DPYD: variants seen among roughly 807,000 people sequenced by gnomAD.
The protein encoded by DPYD is dihydropyrimidine dehydrogenase [NADP(+)].
A neutral mutation model predicts 116.2 loss-of-function variants in DPYD; 109 were observed. The observed-to-expected ratio is 0.94, with a 90% CI of 0.80 to 1.10. The LOEUF (loss-of-function observed/expected upper bound fraction) is 1.10. Among genes scored for constraint, DPYD ranks in the 50% least tolerant of loss-of-function variants. The probability of loss-of-function intolerance (pLI) is 0.00; values close to 1 mark genes in which losing one functional copy is unlikely to be tolerated. For synonymous variants in DPYD, 440 were observed against 432.0 expected (o/e 1.02, Z -0.23); for missense variants, 1,302 against 1,254.5 (o/e 1.04, Z -0.57).
At chr1:97,563,555 G>C (rs77571413) in intron 11 of DPYD, among the ~76,000 whole-genome samples, 7,708 of 152,216 alleles carry the variant, frequency 0.051, 282 homozygotes, top group Middle Eastern at 0.086. Context: ...GAAAACTACT[G>C]ATTTATCCAC....
rs1390488827 is a variant in DPYD, at chr1:97,862,629, T to C, written c.150+20635A>G. ...TATCTACACTGTGCACACTGTGTGA[T>C]ATGACTTGTTCAAACAGAGACCTGA... is the stretch of plus-strand genomic sequence containing the variant. On this transcript the variant is annotated intron_variant, in intron 2 of 22. Coordinates refer to ENST00000370192, the MANE Select transcript of DPYD (RefSeq NM_000110.4). 4.1e-4 allele frequency among the ~76,000 whole-genome samples: 62 copies of C among 152,092 alleles called. 1 individual carries two copies. The highest frequency in any genetic ancestry group is 1.5e-5 in the Non-Finnish European group (1 of 67,854).
chr1:97,101,469 CAAAAAAAAAAAA>C (rs59063384), intron 20 of DPYD, among the ~76,000 whole-genome samples: 1 of 91,090 alleles, frequency 1.1e-5, no homozygotes, highest in Non-Finnish European at 2.2e-5. Context: ...TTTGATCTTG[CAAAAAAAAAAAA>C]AAAAAAAAAA....
At chr1:97,757,639 T>C (rs1665321555) in intron 3 of DPYD, among the ~76,000 whole-genome samples, 2 of 152,320 alleles carry the variant, frequency 1.3e-5, no homozygotes, top group African/African-American at 4.8e-5. Flanking sequence ...TTACCTCCCA[T>C]TACTATAAAT....
At chr1:97,631,480 G>C (rs1305879537) in intron 8 of DPYD, among the ~76,000 whole-genome samples, 1 of 151,998 alleles carries the variant, frequency 6.6e-6, no homozygotes, top group African/African-American at 2.4e-5. Context: ...GTAGCATTTT[G>C]CAATCATAAG....
intron 5 of DPYD, among the ~76,000 whole-genome samples, chr1:97,716,368 A>G (rs959654971): frequency 6.6e-6 from 1 of 152,082 alleles, no homozygotes; most frequent in Non-Finnish European, 1.5e-5. Context: ...CATCATATAT[A>G]AAAATATAAA....
intron 3 of DPYD, among the ~76,000 whole-genome samples, chr1:97,746,716 G>C (rs1039919350): frequency 6.6e-6 from 1 of 151,954 alleles, no homozygotes; most frequent in Admixed American, 6.6e-5. Context: ...CATGAATACA[G>C]GTACAGACAG....
chr1:97,460,961 CG>C (rs1676983591), intron 13 of DPYD, among the ~76,000 whole-genome samples: 2 of 150,474 alleles, frequency 1.3e-5, no homozygotes, highest in Admixed American at 1.3e-4. Context: ...CACTTGAACC[CG>C]GGGGGTGGAG....
intron 2 of DPYD, among the ~76,000 whole-genome samples, chr1:97,871,253 A>G (rs1671644645): frequency 6.6e-6 from 1 of 151,936 alleles, no homozygotes; most frequent in African/African-American, 2.4e-5. Context: ...ATGATTATGC[A>G]AAGATTTTCT....
chr1:97,740,748 G>A (rs191800461), intron 3 of DPYD, among the ~76,000 whole-genome samples: 2 of 152,098 alleles, frequency 1.3e-5, no homozygotes, highest in East Asian at 1.9e-4. Context: ...TACTTATTTA[G>A]GACATACCAT....
At chr1:97,714,655 C>CAAAAAAAAAAAAAAAAAAAAAAAAAAAA (rs1193831747) in intron 5 of DPYD, among the ~76,000 whole-genome samples, 2 of 49,926 alleles carry the variant, frequency 4.0e-5, no homozygotes, top group Non-Finnish European at 8.3e-5. Flanking sequence ...AAAGAAAAGA[C>CAAAAAAAAAAAAAAAAAAAAAAAAAAAA]AAAAAAAAAA....
At chr1:97,703,254 G>A (rs1274154017) in intron 5 of DPYD, among the ~76,000 whole-genome samples, 2 of 151,950 alleles carry the variant, frequency 1.3e-5, no homozygotes, top group African/African-American at 4.8e-5. Context: ...GTGAATTTCA[G>A]CACAACAGAT....
chr1:97,765,527 C>G (rs567509700), intron 3 of DPYD, among the ~76,000 whole-genome samples: 1 of 152,258 alleles, frequency 6.6e-6, no homozygotes, highest in South Asian at 2.1e-4. Context: ...CTTAACAGCT[C>G]ACACCTCCCA....
intron 13 of DPYD, among the ~76,000 whole-genome samples, chr1:97,470,528 A>G (rs1165603788): frequency 6.6e-6 from 1 of 152,170 alleles, no homozygotes; most frequent in Non-Finnish European, 1.5e-5. Flanking sequence ...ATACTGATGT[A>G]TACTTTATCT....
At chr1:97,614,410 T>A (rs956829351) in intron 8 of DPYD, among the ~76,000 whole-genome samples, 3 of 152,090 alleles carry the variant, frequency 2.0e-5, no homozygotes, top group African/African-American at 7.2e-5. Context: ...TTTATAAGAC[T>A]GAGTTGATTT....
At chr1:97,268,010 G>A (rs970170223) in intron 18 of DPYD, among the ~76,000 whole-genome samples, 2 of 152,100 alleles carry the variant, frequency 1.3e-5, no homozygotes, top group Non-Finnish European at 2.9e-5. Flanking sequence ...AAACACAATG[G>A]TGAGACAAGC....
At chr1:97,149,583 T>C (rs1041989109) in intron 20 of DPYD, among the ~76,000 whole-genome samples, 3 of 152,198 alleles carry the variant, frequency 2.0e-5, no homozygotes, top group Non-Finnish European at 4.4e-5. Flanking sequence ...AGTGTCATTA[T>C]CCTAGTTTAT....
chr1:97,688,808 T>G (rs570730944), intron 7 of DPYD, among the ~76,000 whole-genome samples: 1 of 152,048 alleles, frequency 6.6e-6, no homozygotes, highest in South Asian at 2.1e-4. Context: ...TTAAAAATAC[T>G]AACCAATTGA....
At chr1:97,843,593 T>G (rs1001751474) in intron 2 of DPYD, among the ~76,000 whole-genome samples, 5 of 152,210 alleles carry the variant, frequency 3.3e-5, no homozygotes, top group Non-Finnish European at 5.9e-5. Flanking sequence ...ATTTATAGCA[T>G]TCAATCAGAC....
rs6675198 is a variant in DPYD, at chr1:97,691,723, A to G, written c.756T>C (p.Gly252=). The part of the protein sequence containing the change: ...NFEIELMKDL[G]VKIICGKSLS... ...AGGTGTTTTTTTCATTTACCTTTAC[A>G]CCAAGGTCCTTCATTAGCTCAATCT... Residue 252 remains glycine (G), a synonymous_variant, in exon 7 of 23, where the codon GGT becomes GGC. Transcript: ENST00000370192. The G allele has an allele frequency of 1.2e-6, 2 of 1,613,360 alleles. No individual in the cohort carries two copies. The highest frequency in any genetic ancestry group is 2.2e-5 in the South Asian group (2 of 91,070).
Sources: allele counts gnomAD v4.1 joint callset (sites outside exome capture counted in the v4.1 genomes callset), GRCh38; gene constraint gnomAD v4.1.1; transcripts MANE v1.5; gene names NCBI Gene and HGNC (gene_info 2026-07-23, HGNC 2026-07-21).